Variants in OTOGL observed in about 807,000 individuals in gnomAD.
OTOGL encodes the protein otogelin like.
OTOGL carries 285 observed loss-of-function variants against 318.5 expected under a neutral mutation model. The observed-to-expected ratio is 0.89, with a 90% CI of 0.81 to 0.99. OTOGL has a LOEUF of 0.99. Ranked by LOEUF, OTOGL falls within the 50% of genes least tolerant of loss-of-function variation. OTOGL has a pLI of 0.00. For synonymous variants in OTOGL, 987 were observed against 936.5 expected, an observed-to-expected ratio of 1.05 and a Z score of -0.99; for missense variants, 2,899 against 2,845.6, an observed-to-expected ratio of 1.02 and a Z score of -0.43.
chr12:80,362,787 C>T (rs562153289), intron 52 of OTOGL, among the ~76,000 whole-genome samples: 111 of 151,966 alleles, frequency 7.3e-4, no homozygotes, highest in African/African-American at 2.4e-3. Context: ...TGAACTATTT[C>T]GGACAGGGGC....
chr12:80,317,221 T>G (rs1173423666), intron 32 of OTOGL, among the ~76,000 whole-genome samples: 1 of 152,188 alleles, frequency 6.6e-6, no homozygotes, highest in Non-Finnish European at 1.5e-5. Context: ...GATATGCTTA[T>G]TTCTGTTTTT....
intron 1 of OTOGL, among the ~76,000 whole-genome samples, chr12:80,190,576 AGGAGATCGAGAC>A (rs1448869255): frequency 6.6e-6 from 1 of 151,802 alleles, no homozygotes; most frequent in Non-Finnish European, 1.5e-5. Flanking sequence ...TCACGAGGTC[AGGAGATCGAGAC>A]CATCCTGGCT....
intron 34 of OTOGL, 79 bp from the exon 35 acceptor site, chr12:80,323,644 C>T: frequency 5.4e-6 from 6 of 1,118,104 alleles, no homozygotes; most frequent in Non-Finnish European, 7.9e-6. Flanking sequence ...GCGAGACTGT[C>T]TCAAGAAAGA....
At chr12:80,355,224 C>CTTTCTTTTTTTTTTTTT (rs1889799791) in intron 46 of OTOGL, among the ~76,000 whole-genome samples, 6 of 65,602 alleles carry the variant, frequency 9.1e-5, no homozygotes, top group African/African-American at 2.4e-4. Flanking sequence ...TTCTTTCTTT[C>CTTTCTTTTTTTTTTTTT]TTTTCTTTTT....
intron 1 of OTOGL, among the ~76,000 whole-genome samples, chr12:80,112,864 A>T (rs1869934701): frequency 1.3e-5 from 2 of 152,134 alleles, no homozygotes; most frequent in African/African-American, 2.4e-5. Flanking sequence ...GGTGGAATTC[A>T]GCTGTGAATC....
rs541201196 is a variant in OTOGL, at chr12:80,339,424, A to AT, written c.5050+165dup. Among the ~76,000 whole-genome samples the AT allele has an allele frequency of 7.4e-4, 108 of 146,592 alleles. 2 individuals are homozygous for AT. The highest frequency in any genetic ancestry group is 2.1e-3 in the Admixed American group (29 of 14,004). On this transcript the variant is annotated intron_variant, in intron 43 of 58. Transcript: ENST00000547103. ...CATGTAAATACGGAAGGAAGCAATGATTTTTCCATAAATGTGCTAAGAAGC... is the reference window on the plus strand; with the variant it reads ...CATGTAAATACGGAAGGAAGCAATGATTTTTTCCATAAATGTGCTAAGAAGC...
chr12:80,231,984 A>G (rs989183361), intron 8 of OTOGL, among the ~76,000 whole-genome samples: 2 of 152,084 alleles, frequency 1.3e-5, no homozygotes, highest in African/African-American at 4.8e-5. Flanking sequence ...TTCTGTAATT[A>G]TTAGTACTTA....
intron 1 of OTOGL, among the ~76,000 whole-genome samples, chr12:80,196,443 T>C (rs1876074616): frequency 6.6e-6 from 1 of 152,236 alleles, no homozygotes. Flanking sequence ...TTTATTTTTC[T>C]GTAGTTGACC....
intron 1 of OTOGL, among the ~76,000 whole-genome samples, chr12:80,118,365 TA>T (rs1459126210): frequency 2.0e-5 from 3 of 152,148 alleles, no homozygotes; most frequent in Non-Finnish European, 4.4e-5. Flanking sequence ...CAATGATGGG[TA>T]AACTACATTA....
At position 80,294,995 on chromosome 12, in the gene OTOGL, C is replaced by T. The variant is rs181713508; in HGVS notation, c.2929-1832C>T. Among the ~76,000 whole-genome samples the T allele has an allele frequency of 6.8e-3, 1,029 of 151,934 alleles. 12 individuals carry two copies. The highest frequency in any genetic ancestry group is 0.024 in the African/African-American group (979 of 41,406). ...GTCTCTCTCCCAGCTACTCAGGAGG[C>T]CAAGGTGGAAGAACTGTTTGAGCCT... On this transcript the variant is annotated intron_variant, in intron 26 of 58. Coordinates refer to ENST00000547103, the MANE Select transcript of OTOGL (RefSeq NM_001378609.3).
intron 58 of OTOGL, 28 bp from the exon 59 acceptor site, chr12:80,377,820 C>CT: frequency 3.9e-6 from 6 of 1,542,352 alleles, no homozygotes; most frequent in African/African-American, 1.4e-5. Flanking sequence ...AAGTTTAAGA[C>CT]TTTTTTTCTC....
chr12:80,104,956 C>T (rs373480213), intron 1 of OTOGL, among the ~76,000 whole-genome samples: 2 of 151,948 alleles, frequency 1.3e-5, no homozygotes, highest in Non-Finnish European at 2.9e-5. Flanking sequence ...ATTAGCCAGA[C>T]GTGGTGGTGC....
intron 1 of OTOGL, among the ~76,000 whole-genome samples, chr12:80,180,933 C>T (rs1269674789): frequency 1.3e-5 from 2 of 152,098 alleles, no homozygotes; most frequent in African/African-American, 2.4e-5. Flanking sequence ...GAAGAGTTAT[C>T]AGTATGCTGT....
intron 1 of OTOGL, among the ~76,000 whole-genome samples, chr12:80,124,809 G>A (rs949009339): frequency 1.3e-5 from 2 of 152,052 alleles, no homozygotes; most frequent in African/African-American, 4.8e-5. Context: ...AATTGTGAAT[G>A]GGAGTTCACT....
intron 1 of OTOGL, among the ~76,000 whole-genome samples, chr12:80,117,792 C>A (rs1870255668): frequency 6.6e-6 from 1 of 152,126 alleles, no homozygotes; most frequent in African/African-American, 2.4e-5. Flanking sequence ...CACAGGTTTC[C>A]TTGGATACAA....
At chr12:80,143,991 G>A (rs183746513) in intron 1 of OTOGL, among the ~76,000 whole-genome samples, 19 of 150,790 alleles carry the variant, frequency 1.3e-4, no homozygotes, top group Non-Finnish European at 2.4e-4. Flanking sequence ...AGAGATATAT[G>A]TATATTCTTC....
intron 44 of OTOGL, among the ~76,000 whole-genome samples, chr12:80,351,366 A>G (rs1889537602): frequency 6.6e-6 from 1 of 151,774 alleles, no homozygotes; most frequent in Non-Finnish European, 1.5e-5. Context: ...GCCAGGCTGG[A>G]GCACAGTGGT....
chr12:80,235,298 C>T (rs192061466), intron 9 of OTOGL, among the ~76,000 whole-genome samples: 414 of 151,664 alleles, frequency 2.7e-3, no homozygotes, highest in Non-Finnish European at 3.7e-3. Context: ...AACCCTGTCT[C>T]TACTAAAAAT....
chr12:80,182,692 G>A (rs1875012172), intron 1 of OTOGL, among the ~76,000 whole-genome samples: 1 of 152,148 alleles, frequency 6.6e-6, no homozygotes, highest in Non-Finnish European at 1.5e-5. Context: ...GGAGTGGATT[G>A]GAATCAATAG....
Sources: allele counts gnomAD v4.1 joint callset (sites outside exome capture counted in the v4.1 genomes callset), GRCh38; gene constraint gnomAD v4.1.1; transcripts MANE v1.5; gene names NCBI Gene and HGNC (gene_info 2026-07-23, HGNC 2026-07-21).